ST3GAL4: variants seen among roughly 807,000 people sequenced by gnomAD.
ST3GAL4 encodes ST3 beta-galactoside alpha-2,3-sialyltransferase 4.
ST3GAL4 carries 24 observed loss-of-function variants against 42.6 expected under a neutral mutation model. That is an observed-to-expected ratio of 0.56 (90% CI 0.41 to 0.79). The LOEUF is 0.79. ST3GAL4 is among the 30% of genes least tolerant of loss of function. The probability of loss-of-function intolerance (pLI) is 0.00; values close to 1 mark genes in which losing one functional copy is unlikely to be tolerated. For synonymous variants in ST3GAL4, 135 were observed against 163.2 expected, an observed-to-expected ratio of 0.83 and a Z score of 1.32; for missense variants, 311 against 430.8, an observed-to-expected ratio of 0.72 and a Z score of 2.46.
rs184902990 is a variant in ST3GAL4, at chr11:126,413,646, G to A, written c.913G>A (p.Ala305Thr). The A allele has an allele frequency of 1.5e-5, 24 of 1,614,142 alleles. No individual in the cohort carries two copies. The East Asian group carries it at 4.9e-4, about 33-fold the overall frequency. The part of the protein sequence containing the change: ...YYEQITLKSM[A>T]GSGHNVSQEA... Reference sequence around the variant, plus strand: ...TGAGCAGATCACGCTCAAGTCCATGGCGGTAAGTGCCTGGCTTGTGAGCAT... The same window carrying A: ...TGAGCAGATCACGCTCAAGTCCATGACGGTAAGTGCCTGGCTTGTGAGCAT... The change falls in exon 10 of 11, where the codon GCG becomes ACG. Residue 305 changes from alanine (A) to threonine (T), a missense_variant and splice_region_variant. Ala to Thr is a moderately conservative substitution (Grantham distance 58, BLOSUM62 0). Coordinates refer to ENST00000444328, the MANE Select transcript of ST3GAL4 (RefSeq NM_001254757.2).
intron 1 of ST3GAL4, chr11:126,403,480 A>G (rs527758741): frequency 1.0e-5 from 10 of 981,394 alleles, no homozygotes; most frequent in Non-Finnish European, 1.2e-5. Flanking sequence ...TTAGAATCAC[A>G]GAGGAGGTAC....
chr11:126,408,974 T>C (rs1267709176), intron 8 of ST3GAL4, among the ~76,000 whole-genome samples: 5 of 152,222 alleles, frequency 3.3e-5, no homozygotes, highest in African/African-American at 9.6e-5. Flanking sequence ...CCTAAAACTT[T>C]AGTCCCTTCT....
In ST3GAL4 at chr11:126,407,335, G is replaced by A; in HGVS notation, c.266G>A (p.Gly89Glu). The A allele has an allele frequency of 6.2e-7, 1 of 1,614,136 alleles. No individual in the cohort carries two copies. The highest frequency in any genetic ancestry group is 8.5e-7 in the Non-Finnish European group (1 of 1,180,000). The change falls in exon 5 of 11, where the codon GGG becomes GAG. Residue 89 changes from glycine (G) to glutamate (E), a missense_variant. Coordinates refer to ENST00000444328, the MANE Select transcript of ST3GAL4 (RefSeq NM_001254757.2). ...CCATCTGCTTACGAGCTGCCCTATGGGACCAAGGGGAGTGGTAAGTTCCTA... is the reference window on the plus strand; with the variant it reads ...CCATCTGCTTACGAGCTGCCCTATGAGACCAAGGGGAGTGGTAAGTTCCTA... The part of the protein sequence containing the change: ...KTPSAYELPY[G>E]TKGSEDLLLR...
chr11:126,402,176 C>T (rs146312106), intron 1 of ST3GAL4, among the ~76,000 whole-genome samples: 2 of 151,844 alleles, frequency 1.3e-5, no homozygotes, highest in East Asian at 3.9e-4. Context: ...ACAGTGATGG[C>T]CGAGCGTGGT....
In ST3GAL4 at chr11:126,406,697, C is replaced by T. The variant is rs1383476889; in HGVS notation, c.101+140C>T. 24 of 506,304 alleles carry T rather than the reference C, an allele frequency of 4.7e-5. No individual in the cohort carries two copies. The highest frequency in any genetic ancestry group is 1.6e-4 in the Admixed American group (6 of 36,568). The allele number at this position is 506,304 out of a possible 1,614,324, so 31.4% of individuals were successfully genotyped here. ...GACCTCATCCCTTCAGCTGCTGGTA[C>T]GGAGTGTTTCCATGAGGGTGGGTGG... On this transcript the variant is annotated intron_variant, in intron 3 of 10. Coordinates refer to ENST00000444328, the MANE Select transcript of ST3GAL4 (RefSeq NM_001254757.2). The surrounding 1 kb of genome is among the most constrained non-coding windows in gnomAD (Gnocchi z 5.4).
intron 1 of ST3GAL4, among the ~76,000 whole-genome samples, chr11:126,374,586 C>A (rs544078659): frequency 6.6e-6 from 1 of 152,046 alleles, no homozygotes; most frequent in Non-Finnish European, 1.5e-5. Flanking sequence ...GGGAGCATGC[C>A]TAGGTAGCCC....
At chr11:126,413,249 G>A in intron 9 of ST3GAL4, 1 of 333,282 alleles carries the variant, frequency 3.0e-6, no homozygotes, top group Non-Finnish European at 5.5e-6. Flanking sequence ...GGAACTATGG[G>A]CATATGCACT....
At position 126,407,610 on chromosome 11, in the gene ST3GAL4, C is replaced by T. The variant is rs1258002507; in HGVS notation, c.317C>T (p.Ser106Phe). The change falls in exon 6 of 11, where the codon TCC becomes TTC. Residue 106 changes from serine to phenylalanine, a missense_variant. Physicochemically the swap from Ser to Phe is radical, Grantham distance 155 (BLOSUM62 -2). Transcript: ENST00000444328. ...CTCCGGGTGCTAGCCATCACCAGCTCCTCCATCCCCAAGAACATCCAGAGG... is the reference window on the plus strand; with the variant it reads ...CTCCGGGTGCTAGCCATCACCAGCTTCTCCATCCCCAAGAACATCCAGAGG... The part of the protein sequence containing the change: ...LLLRVLAITS[S>F]SIPKNIQSLR... 6.2e-7 allele frequency: 1 copy of T among 1,614,172 alleles called. No homozygotes were observed. Among genetic ancestry groups the T allele is most frequent in the Non-Finnish European group, 8.5e-7 (1 of 1,180,034 alleles).
chr11:126,357,749 A>G (rs2135360177), intron 1 of ST3GAL4, among the ~76,000 whole-genome samples: 1 of 152,202 alleles, frequency 6.6e-6, no homozygotes, highest in African/African-American at 2.4e-5. Context: ...CTAACTCCCC[A>G]CTGGCCACCA....
At chr11:126,405,532 T>G (rs1954190009) in intron 1 of ST3GAL4, 1 of 157,798 alleles carries the variant, frequency 6.3e-6, no homozygotes, top group Non-Finnish European at 1.4e-5. Context: ...GGAGGCCTCA[T>G]GAGGACCATG....
chr11:126,407,578 T>C lies in ST3GAL4; in HGVS notation c.285T>C (p.Asp95=). ...ELPYGTKGSE[D]LLLRVLAITS... is the part of the protein sequence containing the mutation. ...TCCGCCTGGTACTTTTTGTAGAGGA[T>C]CTGCTCCTCCGGGTGCTAGCCATCA... The change falls in exon 6 of 11, where the codon GAT becomes GAC. Residue 95 remains aspartate (D), a synonymous_variant. Coordinates refer to ENST00000444328, the MANE Select transcript of ST3GAL4 (RefSeq NM_001254757.2). 6.2e-7 allele frequency: 1 copy of C among 1,614,134 alleles called. No homozygotes were observed. Among genetic ancestry groups the C allele is most frequent in the East Asian group, 2.2e-5 (1 of 44,874 alleles).
At chr11:126,370,399 C>A (rs924920460) in intron 1 of ST3GAL4, among the ~76,000 whole-genome samples, 1 of 152,136 alleles carries the variant, frequency 6.6e-6, no homozygotes, top group Admixed American at 6.5e-5. Context: ...ATTTATATTT[C>A]TCTACAGTAA....
rs972305967 is a variant in ST3GAL4 at position 126,411,944 on chromosome 11, C to T, written c.772-1561C>T. On this transcript the variant is annotated intron_variant, in intron 9 of 10. Transcript: ENST00000444328. This position sits in a 1 kb window ranked among gnomAD's most constrained non-coding sequence, Gnocchi z 6.3. ...GCCATATAAAGTAACGTCACGTAAT[C>T]GCATCATATTCACGGGCTCCCCACA... 2.0e-5 allele frequency among the ~76,000 whole-genome samples: 3 copies of T among 152,108 alleles called. No homozygotes were observed. The highest frequency in any genetic ancestry group is 7.2e-5 in the African/African-American group (3 of 41,400).
At chr11:126,358,132 C>T (rs916030050) in intron 1 of ST3GAL4, among the ~76,000 whole-genome samples, 4 of 152,206 alleles carry the variant, frequency 2.6e-5, no homozygotes, top group Non-Finnish European at 5.9e-5. Flanking sequence ...TGCTGGAGAG[C>T]GGGGCAGTCC....
rs1954299460 is a variant in ST3GAL4, at chr11:126,407,576, G to C, written c.283G>C (p.Asp95His). The stretch of plus-strand genomic sequence containing the variant: ...CCTCCGCCTGGTACTTTTTGTAGAG[G>C]ATCTGCTCCTCCGGGTGCTAGCCAT... The part of the protein sequence containing the change: ...ELPYGTKGSE[D>H]LLLRVLAITS... Residue 95 changes from aspartate (D) to histidine (H), a missense_variant and splice_region_variant, in exon 6 of 11, where the codon GAT (aspartate) becomes CAT (histidine). Physicochemically the swap from Asp to His is moderately conservative, Grantham distance 81 (BLOSUM62 -1). Transcript: ENST00000444328. 6.2e-7 allele frequency: 1 copy of C among 1,614,110 alleles called. No individual in the cohort carries two copies. Among genetic ancestry groups the C allele is most frequent in the African/African-American group, 1.3e-5 (1 of 75,030 alleles).
At chr11:126,358,527 C>T (rs1463716337) in intron 1 of ST3GAL4, 2 of 452,374 alleles carry the variant, frequency 4.4e-6, no homozygotes, top group Admixed American at 4.8e-5. Context: ...TGAATGATGT[C>T]CTTTATTCTA....
intron 1 of ST3GAL4, among the ~76,000 whole-genome samples, chr11:126,357,166 G>A (rs958813396): frequency 1.3e-5 from 2 of 152,152 alleles, no homozygotes; most frequent in Non-Finnish European, 2.9e-5. Flanking sequence ...GCTGGTCTGG[G>A]AATGCCCCTT....
Position 126,400,692 on chromosome 11 carries a change from G to A in ST3GAL4, c.-60-5404G>A, listed in dbSNP as rs1158290737. On this transcript the variant is annotated intron_variant, in intron 1 of 10. Transcript: ENST00000444328. This position sits in a 1 kb window ranked among gnomAD's most constrained non-coding sequence, Gnocchi z 4.6. ...AGAAGGATACCATGTTGGCAGTTTC[G>A]AAGAAGGGGCATGAGTGAGGAAACA... Among the ~76,000 whole-genome samples the A allele has an allele frequency of 1.3e-5, 2 of 152,180 alleles. No individual in the cohort carries two copies. Among genetic ancestry groups the A allele is most frequent in the Admixed American group, 1.3e-4 (2 of 15,278 alleles).
chr11:126,384,809 G>A lies in ST3GAL4; in HGVS notation c.-60-21287G>A. On this transcript the variant is annotated intron_variant, in intron 1 of 10. Coordinates refer to ENST00000444328, the MANE Select transcript of ST3GAL4 (RefSeq NM_001254757.2). The surrounding 1 kb of genome is among the most constrained non-coding windows in gnomAD (Gnocchi z 5.5). ...TGGCAGTGCCTCTGCCTGTCTCCCT[G>A]GCCGTGGCAGGTCCTTTGTCACATA... 1.0e-6 allele frequency: 1 copy of A among 985,394 alleles called. No individual in the cohort carries two copies. The highest frequency in any genetic ancestry group is 1.2e-6 in the Non-Finnish European group (1 of 829,924). The allele number at this position is 985,394 out of a possible 1,614,324, so 61.0% of individuals were successfully genotyped here.
Sources: allele counts gnomAD v4.1 joint callset (sites outside exome capture counted in the v4.1 genomes callset), GRCh38; gene constraint gnomAD v4.1.1; non-coding constraint Gnocchi (gnomAD v3.1); transcripts MANE v1.5; gene names NCBI Gene and HGNC (gene_info 2026-07-23, HGNC 2026-07-21).